CSMD3: variants seen among roughly 807,000 people sequenced by gnomAD.
CSMD3 encodes CUB and Sushi multiple domains 3.
In CSMD3, 177 loss-of-function variants were observed where a neutral mutation model predicts 435.2. The observed-to-expected ratio is 0.41, with a 90% CI of 0.36 to 0.46. The LOEUF is 0.46. Ranked by LOEUF, CSMD3 falls within the 20% of genes least tolerant of loss-of-function variation. CSMD3 has a pLI of 0.34. For synonymous variants in CSMD3, 1,656 were observed against 1,520.5 expected, an observed-to-expected ratio of 1.09 and a Z score of -2.07; for missense variants, 4,265 against 4,504.6, an observed-to-expected ratio of 0.95 and a Z score of 1.52.
chr8:112,884,569 A>AG (rs35563648), intron 10 of CSMD3, among the ~76,000 whole-genome samples: 2 of 151,678 alleles, frequency 1.3e-5, no homozygotes, highest in Non-Finnish European at 2.9e-5. Context: ...CCCACAATTG[A>AG]GGGGGAGTTG....
At chr8:112,832,805 T>A (rs1456520619) in intron 11 of CSMD3, among the ~76,000 whole-genome samples, 1 of 152,194 alleles carries the variant, frequency 6.6e-6, no homozygotes, top group Non-Finnish European at 1.5e-5. Context: ...TTGTTTCATG[T>A]TGCTAATTTT....
At chr8:112,646,471 TA>T (rs1394748910) in intron 19 of CSMD3, among the ~76,000 whole-genome samples, 1 of 152,148 alleles carries the variant, frequency 6.6e-6, no homozygotes, top group African/African-American at 2.4e-5. Context: ...TTCTTTCAAA[TA>T]AAGACACTTT....
At chr8:113,043,426 A>G (rs901142388) in intron 5 of CSMD3, among the ~76,000 whole-genome samples, 15 of 152,196 alleles carry the variant, frequency 9.9e-5, no homozygotes, top group Middle Eastern at 6.8e-3. Flanking sequence ...TTAACAGGAA[A>G]ATGTTTCCAG....
At chr8:113,121,951 A>G (rs980081863) in intron 4 of CSMD3, among the ~76,000 whole-genome samples, 12 of 152,162 alleles carry the variant, frequency 7.9e-5, no homozygotes, top group Admixed American at 1.3e-4. Context: ...ACCAGAGAAT[A>G]GAAAAGAACG....
intron 3 of CSMD3, 35 bp downstream of exon 3, chr8:113,278,557 A>G: frequency 1.0e-6 from 1 of 969,264 alleles, no homozygotes; most frequent in Non-Finnish European, 1.7e-6. Flanking sequence ...GATTACATTA[A>G]GGGCAGTGGT....
At chr8:113,288,620 G>A (rs1321230548) in intron 2 of CSMD3, among the ~76,000 whole-genome samples, 1 of 151,746 alleles carries the variant, frequency 6.6e-6, no homozygotes, top group Non-Finnish European at 1.5e-5. Context: ...AAATTATGTA[G>A]AGCAATTAAT....
chr8:113,184,365 T>C (rs2092467159), intron 3 of CSMD3, among the ~76,000 whole-genome samples: 2 of 151,882 alleles, frequency 1.3e-5, no homozygotes, highest in South Asian at 2.1e-4. Context: ...CTTTAGACCC[T>C]CTCCCCTCCT....
rs186654847 is a variant in CSMD3 at position 112,408,474 on chromosome 8, A to T, written c.5510-61T>A. 1.1e-3 allele frequency: 1,119 copies of T among 994,098 alleles called. 13 individuals carry two copies. The Admixed American group carries it at 0.017, about 15-fold the overall frequency. 61.6% of individuals were successfully genotyped at this position (994,098 alleles called of 1,614,324 possible). On this transcript the variant is annotated intron_variant, in intron 33 of 70. Coordinates refer to ENST00000297405, the MANE Select transcript of CSMD3 (RefSeq NM_198123.2). ...AATTTTCATTCAGTAAACCTAACAAATTATATTATAATCTTACACTGTCAT... is the reference window on the plus strand; with the variant it reads ...AATTTTCATTCAGTAAACCTAACAATTTATATTATAATCTTACACTGTCAT...
At chr8:113,163,111 T>C (rs1327141901) in intron 4 of CSMD3, among the ~76,000 whole-genome samples, 1 of 152,254 alleles carries the variant, frequency 6.6e-6, no homozygotes, top group African/African-American at 2.4e-5. Flanking sequence ...AATAAAACTA[T>C]GTTATCTCTC....
In CSMD3 at chr8:113,350,246, G is replaced by A. The variant is rs115288306; in HGVS notation, c.179-35453C>T. Among the ~76,000 whole-genome samples the A allele has an allele frequency of 7.5e-3, 1,142 of 151,968 alleles. 15 individuals carry two copies. The highest frequency in any genetic ancestry group is 0.026 in the African/African-American group (1,061 of 41,462). Reference sequence around the variant, plus strand: ...AGAGAATGGTAAGACAGAATGAATCGTTGTTTTTAAGTCATTAATTTGTGG... The same window carrying A: ...AGAGAATGGTAAGACAGAATGAATCATTGTTTTTAAGTCATTAATTTGTGG... On this transcript the variant is annotated intron_variant, in intron 1 of 70. Coordinates refer to ENST00000297405, the MANE Select transcript of CSMD3 (RefSeq NM_198123.2).
At chr8:112,336,923 A>G (rs1824626589) in intron 43 of CSMD3, 94 bp from the exon 44 acceptor site, 5 of 1,044,236 alleles carry the variant, frequency 4.8e-6, no homozygotes, top group Admixed American at 3.8e-5. Flanking sequence ...CTTAAGCATT[A>G]TGAAACACAT....
chr8:112,787,024 G>A (rs2078561194), intron 13 of CSMD3, among the ~76,000 whole-genome samples: 1 of 152,016 alleles, frequency 6.6e-6, no homozygotes, highest in Admixed American at 6.6e-5. Context: ...GAGAATAATG[G>A]TTTCCAGCTT....
chr8:112,872,408 A>G (rs1391752569), intron 10 of CSMD3, among the ~76,000 whole-genome samples: 1 of 152,054 alleles, frequency 6.6e-6, no homozygotes, highest in Non-Finnish European at 1.5e-5. Context: ...TCGAAAACAG[A>G]AAAAAGATGC....
At chr8:112,580,916 T>G (rs953260458) in intron 23 of CSMD3, among the ~76,000 whole-genome samples, 1 of 152,104 alleles carries the variant, frequency 6.6e-6, no homozygotes, top group Non-Finnish European at 1.5e-5. Flanking sequence ...TTATCCTGAA[T>G]TGACCTAGAT....
intron 4 of CSMD3, among the ~76,000 whole-genome samples, chr8:113,107,008 C>G (rs1333332618): frequency 3.9e-5 from 6 of 152,134 alleles, no homozygotes; most frequent in Non-Finnish European, 5.9e-5. Context: ...AATCTCACAC[C>G]TTTTAATCGT....
intron 38 of CSMD3, among the ~76,000 whole-genome samples, chr8:112,364,314 C>T (rs1209435143): frequency 6.6e-6 from 1 of 151,870 alleles, no homozygotes; most frequent in East Asian, 1.9e-4. Flanking sequence ...ATCATGAGTG[C>T]TCTTAGGTGT....
chr8:112,395,409 G>A (rs145709659), intron 35 of CSMD3, among the ~76,000 whole-genome samples: 168 of 152,232 alleles, frequency 1.1e-3, no homozygotes, highest in Admixed American at 3.9e-3. Context: ...TGGATGAATG[G>A]ATAGATGAAT....
At chr8:113,065,436 G>C (rs968274278) in intron 5 of CSMD3, among the ~76,000 whole-genome samples, 2 of 151,962 alleles carry the variant, frequency 1.3e-5, no homozygotes, top group African/African-American at 4.8e-5. Flanking sequence ...GCCCAGGATG[G>C]AGTGCAGTGG....
intron 66 of CSMD3, among the ~76,000 whole-genome samples, chr8:112,241,262 GT>G (rs962958940): frequency 7.9e-5 from 12 of 152,066 alleles, no homozygotes; most frequent in Admixed American, 5.2e-4. Flanking sequence ...TAAAGTTTAT[GT>G]TTTTATTGAT....
Sources: allele counts gnomAD v4.1 joint callset (sites outside exome capture counted in the v4.1 genomes callset), GRCh38; gene constraint gnomAD v4.1.1; transcripts MANE v1.5; gene names NCBI Gene and HGNC (gene_info 2026-07-23, HGNC 2026-07-21).